The following RASGRP1 variants were observed in gnomAD, a reference collection of about 807,000 sequenced individuals.
RASGRP1 encodes the protein RAS guanyl-releasing protein 1.
RASGRP1 carries 37 observed loss-of-function variants against 95.1 expected under a neutral mutation model. That is an observed-to-expected ratio of 0.39 (90% CI 0.30 to 0.51). The LOEUF (loss-of-function observed/expected upper bound fraction) is 0.51, where lower values mean the gene tolerates loss of function less well. Among genes scored for constraint, RASGRP1 ranks in the 20% least tolerant of loss-of-function variants. RASGRP1 has a pLI of 0.80. For missense variants in RASGRP1, 711 were observed against 965.4 expected, an observed-to-expected ratio of 0.74 and a Z score of 3.49; for synonymous variants, 325 against 353.4, an observed-to-expected ratio of 0.92 and a Z score of 0.90.
intron 13 of RASGRP1, among the ~76,000 whole-genome samples, chr15:38,500,415 C>T (rs1405397730): frequency 2.6e-5 from 4 of 151,824 alleles, no homozygotes; most frequent in Non-Finnish European, 2.9e-5. Flanking sequence ...GATCTCGGCT[C>T]ACTGCAACCT....
chr15:38,497,440 G>A (rs1037759854), intron 15 of RASGRP1, among the ~76,000 whole-genome samples: 1 of 150,670 alleles, frequency 6.6e-6, no homozygotes, highest in Admixed American at 6.6e-5. Flanking sequence ...TTCTGCCCTT[G>A]GCCTTTTGCT....
Position 38,505,836 on chromosome 15 carries a change from T to A in RASGRP1, c.1323+4A>T. On this transcript the variant is annotated splice_donor_region_variant and intron_variant, in intron 10 of 16. Coordinates refer to ENST00000310803, the MANE Select transcript of RASGRP1 (RefSeq NM_005739.4). Reference sequence around the variant, plus strand: ...CATGTGGAGTCTTAATATGAAAAACTCACTGGAGCTCTGTGGTTCCTTGGT... The same window carrying A: ...CATGTGGAGTCTTAATATGAAAAACACACTGGAGCTCTGTGGTTCCTTGGT... 1 of 1,598,234 alleles carries A rather than the reference T, an allele frequency of 6.3e-7. No homozygotes were observed.
At chr15:38,498,749 T>G in intron 15 of RASGRP1, 45 bp downstream of exon 15, 1 of 1,592,362 alleles carries the variant, frequency 6.3e-7, no homozygotes, top group Non-Finnish European at 8.5e-7. Context: ...AACTTTTCCC[T>G]TCCTACTTCA....
chr15:38,564,539 T>C (rs922972227), intron 1 of RASGRP1, 55 bp downstream of exon 1: 5 of 1,315,630 alleles, frequency 3.8e-6, no homozygotes, highest in Non-Finnish European at 4.9e-6. Flanking sequence ...GGCAGGGGCC[T>C]CTTTCCCAAG....
At chr15:38,558,590 C>T (rs1302931162) in intron 2 of RASGRP1, among the ~76,000 whole-genome samples, 2 of 152,190 alleles carry the variant, frequency 1.3e-5, no homozygotes, top group Non-Finnish European at 2.9e-5. Context: ...CACCCCAGAC[C>T]TACTGGAGTA....
chr15:38,494,820 C>G, intron 15 of RASGRP1, 53 bp from the exon 16 acceptor site: 1 of 1,308,332 alleles, frequency 7.6e-7, no homozygotes, highest in Non-Finnish European at 9.9e-7. Flanking sequence ...AGCAGAGACT[C>G]AAGACTGAGA....
chr15:38,559,846 G>T lies in RASGRP1; in HGVS notation c.195C>A (p.Leu65=). ...CAAAAGATTGAATGCAGCTGTCAAT[G>T]AGATCGTCCAGGCTGGCTCCTTTGG... ...HLAKGASLDD[L]IDSCIQSFDA... is the part of the protein sequence containing the mutation. Residue 65 remains leucine (L), a synonymous_variant, in exon 2 of 17, where the codon CTC becomes CTA. Coordinates refer to ENST00000310803, the MANE Select transcript of RASGRP1 (RefSeq NM_005739.4). 1.2e-6 allele frequency: 2 copies of T among 1,613,982 alleles called. No individual in the cohort carries two copies. Among genetic ancestry groups the T allele is most frequent in the East Asian group, 4.5e-5 (2 of 44,884 alleles).
chr15:38,497,557 C>G (rs921720847), intron 15 of RASGRP1, among the ~76,000 whole-genome samples: 1 of 152,180 alleles, frequency 6.6e-6, no homozygotes, highest in Non-Finnish European at 1.5e-5. Flanking sequence ...AAAGTCCCAA[C>G]AGCCCCAGTA....
chr15:38,502,360 T>C lies in RASGRP1; in HGVS notation c.1490A>G (p.Lys497Arg), dbSNP rs1212276960. Residue 497 changes from lysine to arginine, a missense_variant, in exon 12 of 17, where the codon AAG (lysine) becomes AGG (arginine). Lys to Arg is a conservative substitution (Grantham distance 26, BLOSUM62 2). Coordinates refer to ENST00000310803, the MANE Select transcript of RASGRP1 (RefSeq NM_005739.4). The stretch of plus-strand genomic sequence containing the variant: ...GGAAAATGGAAAACTCGCAGCAATC[T>C]TTTCAAATTCTTCCTGAGAAATGTA... Reference protein sequence around the residue: ...DGYISQEEFEKIAASFPFSFC... With the variant: ...DGYISQEEFERIAASFPFSFC... 5 of 1,607,150 alleles carry C rather than the reference T, an allele frequency of 3.1e-6. No homozygotes were observed. Among genetic ancestry groups the C allele is most frequent in the Non-Finnish European group, 4.3e-6 (5 of 1,173,864 alleles).
chr15:38,535,088 A>G (rs981109776), intron 2 of RASGRP1, among the ~76,000 whole-genome samples: 2 of 152,230 alleles, frequency 1.3e-5, no homozygotes, highest in Non-Finnish European at 2.9e-5. Context: ...CTTGTGTTGA[A>G]CATTTGCATT....
In RASGRP1 at chr15:38,490,341, C is replaced by A. The variant is rs1890524014; in HGVS notation, c.*213G>T. The A allele has an allele frequency of 7.4e-6, 3 of 404,186 alleles. No individual in the cohort carries two copies. Among genetic ancestry groups the A allele is most frequent in the Non-Finnish European group, 1.3e-5 (3 of 237,296 alleles). 25.0% of individuals were successfully genotyped at this position (404,186 alleles called of 1,614,324 possible). On this transcript the variant is annotated 3_prime_UTR_variant, in exon 17 of 17. Transcript: ENST00000310803. ...AGTGGTATGAATAGCAAAAGTTTTGCATTCTTTAGTTTTCCCCCTTTGAGT... is the reference window on the plus strand; with the variant it reads ...AGTGGTATGAATAGCAAAAGTTTTGAATTCTTTAGTTTTCCCCCTTTGAGT...
At chr15:38,529,931 A>G (rs2141146416) in intron 2 of RASGRP1, among the ~76,000 whole-genome samples, 1 of 152,342 alleles carries the variant, frequency 6.6e-6, no homozygotes, top group African/African-American at 2.4e-5. Context: ...GTGTTCATCT[A>G]GCTTGGTTAT....
chr15:38,504,442 A>AT (rs907612826), intron 10 of RASGRP1: 4 of 152,188 alleles, frequency 2.6e-5, no homozygotes, highest in South Asian at 4.1e-4. Flanking sequence ...AAAATGTTTA[A>AT]TTTTTTAAAT....
intron 2 of RASGRP1, among the ~76,000 whole-genome samples, chr15:38,536,707 T>C (rs1347940506): frequency 1.3e-5 from 2 of 152,234 alleles, no homozygotes; most frequent in Non-Finnish European, 2.9e-5. Flanking sequence ...CAGTGTATGC[T>C]GACATAAAAT....
intron 4 of RASGRP1, 72 bp downstream of exon 4, chr15:38,519,237 G>T: frequency 7.6e-7 from 1 of 1,312,814 alleles, no homozygotes; most frequent in Non-Finnish European, 1.1e-6. Context: ...AGGAAAGGCA[G>T]GGAAAGTCCC....
chr15:38,513,730 GT>G (rs1464987030), intron 6 of RASGRP1, among the ~76,000 whole-genome samples: 1 of 152,204 alleles, frequency 6.6e-6, no homozygotes, highest in Non-Finnish European at 1.5e-5. Flanking sequence ...TTGTGTCCCT[GT>G]CACAAAGAAT....
intron 14 of RASGRP1, among the ~76,000 whole-genome samples, chr15:38,499,580 C>CG (rs1161452317): frequency 6.6e-6 from 1 of 152,146 alleles, no homozygotes; most frequent in Admixed American, 6.5e-5. Context: ...GGTCATTCAC[C>CG]GGGGGTGTCC....
intron 2 of RASGRP1, among the ~76,000 whole-genome samples, chr15:38,536,081 C>T (rs756680338): frequency 4.6e-5 from 7 of 152,180 alleles, no homozygotes; most frequent in East Asian, 1.9e-4. Context: ...AAGTCAGTGC[C>T]GACTGAATAT....
In RASGRP1 at chr15:38,498,973, A is replaced by C. The variant is rs1201799547; in HGVS notation, c.1721-27T>G. The C allele has an allele frequency of 1.9e-6, 3 of 1,613,682 alleles. No homozygotes were observed. In the Admixed American group the frequency reaches 5.0e-5, roughly 27 times the overall value. On this transcript the variant is annotated intron_variant, in intron 14 of 16. Transcript: ENST00000310803. ...TGTGGACAAGACATCCTGGGTCAAG[A>C]AGTCTTTCACTTTTCTCTCTTCCCC...
Sources: allele counts gnomAD v4.1 joint callset (sites outside exome capture counted in the v4.1 genomes callset), GRCh38; gene constraint gnomAD v4.1.1; transcripts MANE v1.5; gene names NCBI Gene and HGNC (gene_info 2026-07-23, HGNC 2026-07-21).